PCDH9: variants seen among roughly 807,000 people sequenced by gnomAD.
PCDH9 encodes protocadherin-9.
PCDH9 carries 24 observed loss-of-function variants against 70.6 expected under a neutral mutation model. The observed-to-expected ratio is 0.34, with a 90% CI of 0.25 to 0.48. PCDH9 has a LOEUF of 0.48. PCDH9 is among the 20% of genes least tolerant of loss of function. The probability of loss-of-function intolerance (pLI) is 0.99; values close to 1 mark genes in which losing one functional copy is unlikely to be tolerated. For synonymous variants in PCDH9, 562 were observed against 558.5 expected (o/e 1.01, Z -0.09); for missense variants, 1,281 against 1,503.6 (o/e 0.85, Z 2.45).
intron 4 of PCDH9, among the ~76,000 whole-genome samples, chr13:66,316,134 T>C (rs1268931589): frequency 6.6e-6 from 1 of 152,112 alleles, no homozygotes; most frequent in Non-Finnish European, 1.5e-5. Flanking sequence ...GCTTCCATCA[T>C]CACATCACCA....
chr13:66,899,250 G>A (rs1019001567), intron 3 of PCDH9, among the ~76,000 whole-genome samples: 3 of 152,050 alleles, frequency 2.0e-5, no homozygotes, highest in African/African-American at 7.2e-5. Flanking sequence ...TTTCTGTGGA[G>A]ATTTATAGCA....
At chr13:66,879,547 C>T (rs767969217) in intron 3 of PCDH9, among the ~76,000 whole-genome samples, 10 of 151,966 alleles carry the variant, frequency 6.6e-5, no homozygotes, top group Non-Finnish European at 1.3e-4. Context: ...GACATGATAG[C>T]TTTGGAAAAG....
chr13:67,030,366 C>T (rs2084879051), intron 2 of PCDH9, among the ~76,000 whole-genome samples: 1 of 152,100 alleles, frequency 6.6e-6, no homozygotes, highest in South Asian at 2.1e-4. Flanking sequence ...GAGGTCCCCT[C>T]TGTCCTGCTC....
chr13:66,970,249 A>T (rs1392135269), intron 2 of PCDH9, among the ~76,000 whole-genome samples: 1 of 152,040 alleles, frequency 6.6e-6, no homozygotes, highest in Non-Finnish European at 1.5e-5. Flanking sequence ...AACCTAAAAA[A>T]TAATTTGTTG....
chr13:66,922,320 G>A (rs2082649872), intron 2 of PCDH9, among the ~76,000 whole-genome samples: 1 of 151,296 alleles, frequency 6.6e-6, no homozygotes, highest in Non-Finnish European at 1.5e-5. Context: ...ATTAAAAATT[G>A]ATCAGTTATT....
intron 4 of PCDH9, among the ~76,000 whole-genome samples, chr13:66,415,744 G>GA (rs150359280): frequency 0.04 from 6,022 of 151,710 alleles, 164 homozygotes; most frequent in Non-Finnish European, 0.065. Context: ...TAAAATAAGA[G>GA]AAAAAAATCA....
intron 4 of PCDH9, among the ~76,000 whole-genome samples, chr13:66,420,218 C>T (rs542615943): frequency 3.3e-5 from 5 of 152,246 alleles, no homozygotes; most frequent in South Asian, 2.1e-4. Context: ...GACAGAGCAC[C>T]GAGGGTACAG....
chr13:66,546,274 G>T (rs1961195420), intron 4 of PCDH9, among the ~76,000 whole-genome samples: 5 of 152,022 alleles, frequency 3.3e-5, no homozygotes, highest in African/African-American at 1.2e-4. Context: ...GCACACACAT[G>T]TTATTGCTTC....
intron 4 of PCDH9, among the ~76,000 whole-genome samples, chr13:66,549,959 C>A (rs1275624074): frequency 6.6e-6 from 1 of 151,814 alleles, no homozygotes; most frequent in African/African-American, 2.4e-5. Context: ...GAATAGAAAA[C>A]AAACTTGTAT....
chr13:66,649,783 G>C (rs2077824221), intron 3 of PCDH9, among the ~76,000 whole-genome samples: 1 of 151,866 alleles, frequency 6.6e-6, no homozygotes, highest in African/African-American at 2.4e-5. Flanking sequence ...GGTACAAAAA[G>C]ATATAAATAG....
At chr13:66,822,935 T>C (rs1340989819) in intron 3 of PCDH9, among the ~76,000 whole-genome samples, 3 of 152,140 alleles carry the variant, frequency 2.0e-5, no homozygotes, top group Non-Finnish European at 4.4e-5. Flanking sequence ...ATATACTATA[T>C]AGGAATTGCT....
chr13:66,435,414 G>T (rs2138386136), intron 4 of PCDH9, among the ~76,000 whole-genome samples: 1 of 152,232 alleles, frequency 6.6e-6, no homozygotes, highest in South Asian at 2.1e-4. Context: ...TTTTATCAAA[G>T]CTAGTAATTC....
At chr13:66,505,408 T>A (rs1353814282) in intron 4 of PCDH9, among the ~76,000 whole-genome samples, 1 of 151,972 alleles carries the variant, frequency 6.6e-6, no homozygotes, top group African/African-American at 2.4e-5. Context: ...TTATTCACTA[T>A]CACGAGAACA....
intron 4 of PCDH9, among the ~76,000 whole-genome samples, chr13:66,542,071 A>G (rs1960980739): frequency 6.6e-6 from 1 of 152,208 alleles, no homozygotes; most frequent in South Asian, 2.1e-4. Context: ...AGATCTGTGT[A>G]AAACAGCAGA....
rs963633900 is a variant in PCDH9 at position 66,400,842 on chromosome 13, A to G, written c.3341-95814T>C. ...AATATCTAAGGAAAAAAAATAGTCT[A>G]GTGGATTCCAAGACTCTTCAGTCAG... On this transcript the variant is annotated intron_variant, in intron 4 of 4. Transcript: ENST00000377865. Among the ~76,000 whole-genome samples, 3 of 152,210 alleles carry G rather than the reference A, an allele frequency of 2.0e-5. No homozygotes were observed. The South Asian group carries it at 6.2e-4, about 32-fold the overall frequency.
At chr13:66,846,872 C>T (rs544541781) in intron 3 of PCDH9, among the ~76,000 whole-genome samples, 41 of 133,946 alleles carry the variant, frequency 3.1e-4, no homozygotes, top group African/African-American at 1.0e-3. Flanking sequence ...AATCTCTCTC[C>T]CTTTCTCATA....
At chr13:66,444,843 G>T (rs934938317) in intron 4 of PCDH9, among the ~76,000 whole-genome samples, 1 of 152,022 alleles carries the variant, frequency 6.6e-6, no homozygotes. Flanking sequence ...TTACAGGCAT[G>T]AGCCACCACG....
intron 2 of PCDH9, among the ~76,000 whole-genome samples, chr13:67,135,375 TCTAG>T (rs1441686617): frequency 3.9e-5 from 6 of 152,128 alleles, no homozygotes; most frequent in African/African-American, 1.4e-4. Context: ...AATTCTAAAC[TCTAG>T]CTATGTGTTT....
At chr13:66,419,310 G>A (rs1957520459) in intron 4 of PCDH9, among the ~76,000 whole-genome samples, 1 of 151,928 alleles carries the variant, frequency 6.6e-6, no homozygotes, top group South Asian at 2.1e-4. Context: ...TAAAATACTG[G>A]CAAACCAAAT....
Sources: gnomAD v4.1 joint callset for allele counts (sites outside exome capture counted in the v4.1 genomes callset) on GRCh38, gnomAD v4.1.1 for gene constraint, MANE v1.5 for transcripts, NCBI Gene and HGNC (gene_info 2026-07-23, HGNC 2026-07-21) for gene names.